The following MTMR8 variants were observed in gnomAD, a reference collection of about 807,000 sequenced individuals.
MTMR8 encodes myotubularin related protein 8.
A neutral mutation model predicts 39.3 loss-of-function variants in MTMR8; 65 were observed. The observed-to-expected ratio is 1.65, with a 90% CI of 1.35 to 2.03. MTMR8 has a LOEUF of 2.03. Among genes scored for constraint, MTMR8 ranks in the 30% most tolerant of loss-of-function variants. The pLI, the probability that MTMR8 is intolerant of heterozygous loss-of-function variation, is 0.00. For synonymous variants in MTMR8, 245 were observed against 185.2 expected, an observed-to-expected ratio of 1.32 and a Z score of -2.62; for missense variants, 777 against 538.9, an observed-to-expected ratio of 1.44 and a Z score of -4.37.
At chrX:64,303,976 G>A (rs2147203673) in intron 12 of MTMR8, among the ~76,000 whole-genome samples, 1 of 111,901 alleles carries the variant, frequency 8.9e-6, no homozygotes, top group African/African-American at 3.2e-5. Context: ...GGCAACTTGT[G>A]TACTGCAGCA....
At chrX:64,360,227 CAAA>C in intron 1 of MTMR8, 1 of 149,488 alleles carries the variant, frequency 6.7e-6, no homozygotes, top group East Asian at 1.9e-4. Context: ...ATTTACGTGA[CAAA>C]AATCAACAGG....
rs770040846 is a variant in MTMR8 at position 64,359,385 on chromosome X, A to T, written c.147+20T>A. The stretch of plus-strand genomic sequence containing the variant: ...GCACAACTCTTTAAGACTCTTTGAT[A>T]CTTCTTCTCATGAACATACCCATGT... On this transcript the variant is annotated intron_variant, in intron 2 of 13. Transcript: ENST00000374852. 14 of 1,192,288 alleles carry T rather than the reference A, an allele frequency of 1.2e-5. No individual in the cohort carries two copies. Among genetic ancestry groups the T allele is most frequent in the Non-Finnish European group, 1.5e-5 (13 of 884,684 alleles).
chrX:64,333,570 A>C (rs1370448955), intron 10 of MTMR8, among the ~76,000 whole-genome samples: 2 of 111,649 alleles, frequency 1.8e-5, no homozygotes, highest in African/African-American at 6.5e-5. Flanking sequence ...ATCTTCTTTA[A>C]TGTTTCTTTC....
intron 1 of MTMR8, chrX:64,360,258 T>C: frequency 6.1e-6 from 1 of 165,263 alleles, no homozygotes; most frequent in East Asian, 1.8e-4. Context: ...GATATAGCCA[T>C]CATAAATATA....
At chrX:64,327,064 G>A (rs922081249) in intron 12 of MTMR8, among the ~76,000 whole-genome samples, 10 of 111,352 alleles carry the variant, frequency 9.0e-5, no homozygotes, top group African/African-American at 2.9e-4. Flanking sequence ...ATGAAAGACC[G>A]AAAGCTATGA....
At chrX:64,311,004 C>G (rs747432091) in intron 12 of MTMR8, among the ~76,000 whole-genome samples, 2 of 111,582 alleles carry the variant, frequency 1.8e-5, no homozygotes, top group African/African-American at 3.3e-5. Flanking sequence ...ATAATCCTTT[C>G]GGTATATACC....
chrX:64,378,945 G>A (rs866383393), intron 1 of MTMR8, among the ~76,000 whole-genome samples: 35 of 110,976 alleles, frequency 3.2e-4, no homozygotes, highest in East Asian at 2.9e-3. Context: ...AATGAAAGAG[G>A]GGCCATCACT....
intron 1 of MTMR8, among the ~76,000 whole-genome samples, chrX:64,373,942 C>A (rs1924193650): frequency 8.9e-6 from 1 of 111,826 alleles, no homozygotes; most frequent in Non-Finnish European, 1.9e-5. Context: ...AGGAAGTTTT[C>A]TTTCAGCCAG....
At chrX:64,281,854 A>C (rs1932021675) in intron 12 of MTMR8, among the ~76,000 whole-genome samples, 1 of 110,100 alleles carries the variant, frequency 9.1e-6, no homozygotes, top group Non-Finnish European at 1.9e-5. Context: ...TTTACAAGGA[A>C]CTTAAACAAA....
chrX:64,308,587 ATTT>A (rs1307632428), intron 12 of MTMR8, among the ~76,000 whole-genome samples: 2 of 110,391 alleles, frequency 1.8e-5, no homozygotes, highest in South Asian at 3.8e-4. Context: ...ATATTTCCTA[ATTT>A]TTTATTTTCC....
intron 12 of MTMR8, among the ~76,000 whole-genome samples, chrX:64,297,302 G>C (rs752597250): frequency 8.7e-4 from 95 of 109,548 alleles, no homozygotes; most frequent in African/African-American, 2.8e-3. Context: ...ATCTCATAGT[G>C]GTTTTGATTT....
At chrX:64,276,107 C>A (rs1355431363) in intron 12 of MTMR8, among the ~76,000 whole-genome samples, 1 of 111,509 alleles carries the variant, frequency 9.0e-6, no homozygotes, top group East Asian at 2.8e-4. Flanking sequence ...AGTGGTCTAT[C>A]TATTTTGTTG....
At chrX:64,341,404 G>A (rs955000842) in intron 8 of MTMR8, among the ~76,000 whole-genome samples, 6 of 106,223 alleles carry the variant, frequency 5.6e-5, no homozygotes, top group Non-Finnish European at 9.7e-5. Flanking sequence ...CCTTGAATCC[G>A]GTAGGCGGAG....
intron 12 of MTMR8, among the ~76,000 whole-genome samples, chrX:64,277,968 T>A (rs951305014): frequency 9.1e-6 from 1 of 109,509 alleles, no homozygotes; most frequent in African/African-American, 3.3e-5. Context: ...CTGCTATATT[T>A]CATTAAGTTG....
chrX:64,331,493 G>T (rs1323061665), intron 11 of MTMR8, 64 bp downstream of exon 11: 2 of 1,023,669 alleles, frequency 2.0e-6, no homozygotes, highest in African/African-American at 3.7e-5. Flanking sequence ...CAGGGTGGTA[G>T]GTACATTCTT....
Position 64,354,807 on chromosome X carries a change from C to T in MTMR8, c.438G>A (p.Trp146Ter). The change falls in exon 4 of 14, where the codon TGG (tryptophan) becomes TGA (stop). Residue 146 changes from tryptophan to a stop codon, truncating the protein, a stop_gained. Coordinates refer to ENST00000374852, the MANE Select transcript of MTMR8 (RefSeq NM_017677.4). LOFTEE classifies it high-confidence loss of function. ...AGTTTCTGTTGGCATCTGTTATGGT[C>T]CAGTTTCTGTTGGGTATTCCCATAC... ...FGRMGIPNRN[W>*]TITDANRNYE... The T allele has an allele frequency of 8.3e-7, 1 of 1,203,255 alleles. No individual in the cohort carries two copies. The highest frequency in any genetic ancestry group is 1.1e-6 in the Non-Finnish European group (1 of 891,884).
At chrX:64,324,241 AG>A (rs1361895657) in intron 12 of MTMR8, among the ~76,000 whole-genome samples, 1 of 111,096 alleles carries the variant, frequency 9.0e-6, no homozygotes, top group Non-Finnish European at 1.9e-5. Context: ...ATGTACCAGT[AG>A]TCCTAGCCAC....
intron 10 of MTMR8, among the ~76,000 whole-genome samples, chrX:64,333,334 C>A (rs1205309183): frequency 9.0e-6 from 1 of 111,469 alleles, no homozygotes; most frequent in Non-Finnish European, 1.9e-5. Flanking sequence ...CACTCCAGTG[C>A]CACTGAAAAA....
intron 12 of MTMR8, among the ~76,000 whole-genome samples, chrX:64,294,170 A>T (rs761965506): frequency 1.4e-4 from 16 of 112,285 alleles, no homozygotes; most frequent in African/African-American, 5.2e-4. Context: ...AGAGAGTTAA[A>T]TAAGAGCACC....
Sources: gnomAD v4.1 joint callset for allele counts (sites outside exome capture counted in the v4.1 genomes callset) on GRCh38, gnomAD v4.1.1 for gene constraint, MANE v1.5 for transcripts, NCBI Gene and HGNC (gene_info 2026-07-23, HGNC 2026-07-21) for gene names.